The following LARGE1 variants were observed in gnomAD, a reference collection of about 807,000 sequenced individuals.
LARGE1 encodes the protein LARGE xylosyl- and glucuronyltransferase 1.
LARGE1 carries 43 observed loss-of-function variants against 87.6 expected under a neutral mutation model. The ratio of observed to expected loss-of-function variants is 0.49; its 90% CI spans 0.38 to 0.63. The LOEUF is 0.63. Among genes scored for constraint, LARGE1 ranks in the 30% least tolerant of loss-of-function variants. LARGE1 has a pLI of 0.00. For synonymous variants in LARGE1, 434 were observed against 394.6 expected (o/e 1.10, Z -1.18); for missense variants, 802 against 1,000.2 (o/e 0.80, Z 2.67).
At chr22:33,921,093 T>C (rs564071803), upstream of LARGE1, among the ~76,000 whole-genome samples, 3,180 of 147,864 alleles carry the variant, frequency 0.022, 60 homozygotes, top group East Asian at 0.072. The surrounding 1 kb of genome is among the most constrained non-coding windows in gnomAD (Gnocchi z 4.1). Flanking sequence ...GGCGCCCGCG[T>C]CGGCGCCCGC....
chr22:33,487,888 A>G (rs2069656769), intron 6 of LARGE1, among the ~76,000 whole-genome samples: 1 of 152,188 alleles, frequency 6.6e-6, no homozygotes, highest in Non-Finnish European at 1.5e-5. Context: ...CCTGCCATGA[A>G]TATTAAATAA....
intron 6 of LARGE1, among the ~76,000 whole-genome samples, chr22:33,550,699 T>C (rs1377067003): frequency 6.6e-6 from 1 of 152,122 alleles, no homozygotes; most frequent in Admixed American, 6.5e-5. Flanking sequence ...ACTAGATATC[T>C]AACCAAAGGA....
chr22:33,244,155 A>ATT (rs545378643), intron 11 of LARGE1, among the ~76,000 whole-genome samples: 7,312 of 145,594 alleles, frequency 0.05, 224 homozygotes, highest in Admixed American at 0.097. Flanking sequence ...AGCCCAGCTA[A>ATT]TTTTTTTTTT....
chr22:33,307,765 TTTTTC>T (rs1374859414), intron 11 of LARGE1, among the ~76,000 whole-genome samples: 1 of 151,708 alleles, frequency 6.6e-6, no homozygotes, highest in African/African-American at 2.4e-5. Context: ...ATTGGTGCCC[TTTTTC>T]TTTTCTTTTT....
At chr22:33,372,128 G>A (rs944772038) in intron 9 of LARGE1, among the ~76,000 whole-genome samples, 3 of 151,964 alleles carry the variant, frequency 2.0e-5, no homozygotes, top group Non-Finnish European at 4.4e-5. Flanking sequence ...AAATGTCTGG[G>A]TCATTTCCAT....
intron 6 of LARGE1, among the ~76,000 whole-genome samples, chr22:33,555,785 C>G (rs898180130): frequency 6.6e-6 from 1 of 151,916 alleles, no homozygotes; most frequent in Non-Finnish European, 1.5e-5. Context: ...AAAAAATTAG[C>G]CGGGTGTGGT....
Position 33,911,478 on chromosome 22 carries a change from G to A in LARGE1, c.-83+8517C>T, listed in dbSNP as rs563027554. On this transcript the variant is annotated intron_variant, in intron 1 of 14. Coordinates refer to ENST00000397394, the MANE Select transcript of LARGE1 (RefSeq NM_133642.5). ...TTCTTCCTGCTGGGGACCAAGTACT[G>A]AGTCCCTCCCTCCATTCTCCCACGT... 1.1e-4 allele frequency among the ~76,000 whole-genome samples: 16 copies of A among 152,266 alleles called. No individual in the cohort carries two copies. The South Asian group carries it at 2.7e-3, about 26-fold the overall frequency.
intron 5 of LARGE1, among the ~76,000 whole-genome samples, chr22:33,586,347 C>T (rs2078672297): frequency 1.3e-5 from 2 of 152,158 alleles, no homozygotes; most frequent in African/African-American, 4.8e-5. Context: ...ACAATGACAC[C>T]CATGATAGTC....
chr22:33,166,774 T>G (rs969038391), exon 12 of LARGE1: 2 of 471,412 alleles, frequency 4.2e-6, no homozygotes, highest in African/African-American at 4.0e-5. Context: ...TATAGGCATG[T>G]GTTTGGAACT....
chr22:33,347,671 A>C (rs1939915795), intron 9 of LARGE1, among the ~76,000 whole-genome samples: 1 of 152,162 alleles, frequency 6.6e-6, no homozygotes, highest in African/African-American at 2.4e-5. Flanking sequence ...GAAAAGGAGG[A>C]GCAGACAAAC....
At chr22:33,821,603 G>A (rs1352995013) in intron 1 of LARGE1, among the ~76,000 whole-genome samples, 6 of 152,288 alleles carry the variant, frequency 3.9e-5, no homozygotes, top group Middle Eastern at 3.4e-3. Context: ...AGAGCATGCC[G>A]AGAAGGGGAA....
the LARGE1 span, among the ~76,000 whole-genome samples, chr22:33,124,395 AAATGAT>A: frequency 6.8e-6 from 1 of 148,100 alleles, no homozygotes; most frequent in African/African-American, 2.5e-5. Flanking sequence ...GGAGGAAGGA[AAATGAT>A]GGCTCTGAAA....
At chr22:33,454,796 G>C (rs1056989154) in intron 6 of LARGE1, among the ~76,000 whole-genome samples, 1 of 152,016 alleles carries the variant, frequency 6.6e-6, no homozygotes, top group Non-Finnish European at 1.5e-5. Flanking sequence ...AGAAAGAATG[G>C]GGGGAGGTGC....
chr22:33,757,009 G>A (rs1234995077), intron 2 of LARGE1, among the ~76,000 whole-genome samples: 2 of 152,166 alleles, frequency 1.3e-5, no homozygotes, highest in African/African-American at 4.8e-5. Flanking sequence ...AAGAAAGGTG[G>A]ACTGGGAAAG....
rs1454721375 is a variant in LARGE1 at position 33,165,204 on chromosome 22, G to A, written c.*1559C>T. The A allele has an allele frequency of 5.3e-5, 8 of 152,250 alleles. No individual in the cohort carries two copies. In the Middle Eastern group the frequency reaches 0.01, roughly 194 times the overall value. 9.4% of individuals were successfully genotyped at this position (152,250 alleles called of 1,614,324 possible). On this transcript the variant is annotated 3_prime_UTR_variant, in exon 12 of 12. Coordinates refer to the LARGE1 transcript ENST00000608642. ...TTTGATTTTACCCCAGAAGAACTTC[G>A]GGGATAGATCCTGAAGAAGCCACAA...
intron 10 of LARGE1, among the ~76,000 whole-genome samples, chr22:33,318,229 C>G (rs189548671): frequency 0.016 from 1,856 of 116,676 alleles, 52 homozygotes; most frequent in African/African-American, 0.055. Flanking sequence ...AGCGAGACTC[C>G]ATCTCAAAAA....
downstream of LARGE1, among the ~76,000 whole-genome samples, chr22:33,269,628 C>G (rs1337438833): frequency 6.6e-6 from 1 of 152,188 alleles, no homozygotes; most frequent in East Asian, 1.9e-4. Context: ...CCTCATTGAT[C>G]AGATGGCCTT....
intron 4 of LARGE1, among the ~76,000 whole-genome samples, chr22:33,624,048 AAAT>A (rs1485663552): frequency 4.6e-5 from 7 of 152,274 alleles, no homozygotes; most frequent in Non-Finnish European, 1.5e-5. Flanking sequence ...ATAAAATAAA[AAAT>A]AAAAATAAGG....
At chr22:33,078,729 C>G in the LARGE1 span, among the ~76,000 whole-genome samples, 1 of 152,124 alleles carries the variant, frequency 6.6e-6, no homozygotes, top group African/African-American at 2.4e-5. Context: ...ACCAGAGATG[C>G]TAAGATTATT....
Sources: gnomAD v4.1 joint callset for allele counts (sites outside exome capture counted in the v4.1 genomes callset) on GRCh38, gnomAD v4.1.1 for gene constraint, Gnocchi (gnomAD v3.1) non-coding constraint, MANE v1.5 for transcripts, NCBI Gene and HGNC (gene_info 2026-07-23, HGNC 2026-07-21) for gene names.